Variants in PRKN observed in about 807,000 individuals in gnomAD.
The protein encoded by PRKN is parkin RBR E3 ubiquitin protein ligase, also known as E3 ubiquitin-protein ligase parkin.
In PRKN, 56 loss-of-function variants were observed where a neutral mutation model predicts 59.5. The ratio of observed to expected loss-of-function variants is 0.94; its 90% CI spans 0.76 to 1.18. The LOEUF is 1.18. PRKN is among the 50% of genes most tolerant of loss of function. PRKN has a pLI of 0.00. For missense variants in PRKN, 657 were observed against 596.4 expected (o/e 1.10, Z -1.06); for synonymous variants, 250 against 222.1 (o/e 1.13, Z -1.12).
At chr6:162,066,992 T>C (rs1582982491) in intron 4 of PRKN, among the ~76,000 whole-genome samples, 1 of 152,194 alleles carries the variant, frequency 6.6e-6, no homozygotes, top group Admixed American at 6.5e-5. Flanking sequence ...TGACTGGCCA[T>C]GTAAGTGATG....
chr6:161,940,673 G>A (rs1230424272), intron 6 of PRKN, among the ~76,000 whole-genome samples: 1 of 152,166 alleles, frequency 6.6e-6, no homozygotes, highest in Non-Finnish European at 1.5e-5. Context: ...CTTAGTTCAT[G>A]ACCATAAGTT....
At chr6:162,100,132 C>T (rs555406637) in intron 4 of PRKN, among the ~76,000 whole-genome samples, 138 of 152,276 alleles carry the variant, frequency 9.1e-4, no homozygotes, top group Non-Finnish European at 1.7e-3. Context: ...CCTATGGTAT[C>T]TTATTGTGTT....
chr6:162,038,628 G>A (rs1055998730), intron 5 of PRKN, among the ~76,000 whole-genome samples: 2 of 152,138 alleles, frequency 1.3e-5, no homozygotes, highest in Non-Finnish European at 2.9e-5. Context: ...TACATACTAA[G>A]CTTCGTCTCT....
chr6:161,555,713 C>T (rs1237857321), intron 8 of PRKN, among the ~76,000 whole-genome samples: 1 of 152,150 alleles, frequency 6.6e-6, no homozygotes, highest in Non-Finnish European at 1.5e-5. Context: ...CCCTTTAAAC[C>T]TTATTACAGA....
At chr6:161,619,981 CTTTTTTTTT>C (rs71004058) in intron 7 of PRKN, among the ~76,000 whole-genome samples, 11 of 63,122 alleles carry the variant, frequency 1.7e-4, no homozygotes, top group Admixed American at 1.5e-3. Context: ...ACACATTATT[CTTTTTTTTT>C]TTTTTTTTTT....
chr6:162,663,611 G>T (rs1357312676), intron 1 of PRKN, among the ~76,000 whole-genome samples: 1 of 152,132 alleles, frequency 6.6e-6, no homozygotes, highest in African/African-American at 2.4e-5. Context: ...CTGGTTCCTT[G>T]TAGACAGAAA....
intron 4 of PRKN, among the ~76,000 whole-genome samples, chr6:162,141,112 AGAGT>A (rs567978847): frequency 7.8e-4 from 119 of 152,250 alleles, no homozygotes; most frequent in African/African-American, 2.8e-3. Flanking sequence ...CCTGGGCGAC[AGAGT>A]GAGACCCTGT....
intron 6 of PRKN, among the ~76,000 whole-genome samples, chr6:161,887,558 T>A (rs1795200111): frequency 6.6e-6 from 1 of 152,224 alleles, no homozygotes; most frequent in Admixed American, 6.5e-5. Context: ...TTCAAGGTCG[T>A]CATGTATGAT....
At chr6:161,948,778 C>T (rs953230229) in intron 6 of PRKN, among the ~76,000 whole-genome samples, 3 of 152,200 alleles carry the variant, frequency 2.0e-5, no homozygotes, top group African/African-American at 7.2e-5. Context: ...GACCCAGACA[C>T]AGAGCCGTGT....
At position 161,502,979 on chromosome 6, in the gene PRKN, T is replaced by C. The variant is rs936660895; in HGVS notation, c.1083+45875A>G. 6.6e-6 allele frequency among the ~76,000 whole-genome samples: 1 copy of C among 152,170 alleles called. No individual in the cohort carries two copies. Among genetic ancestry groups the C allele is most frequent in the African/African-American group, 2.4e-5 (1 of 41,446 alleles). The stretch of plus-strand genomic sequence containing the variant: ...TTACTTCATGCATTTGTGGCAAGGA[T>C]TGAGTTAGATGATACATATCCAATG... On this transcript the variant is annotated intron_variant, in intron 9 of 11. Coordinates refer to ENST00000366898, the MANE Select transcript of PRKN (RefSeq NM_004562.3). The surrounding 1 kb of genome is among the most constrained non-coding windows in gnomAD (Gnocchi z 4.0).
intron 9 of PRKN, among the ~76,000 whole-genome samples, chr6:161,515,516 A>G (rs926783975): frequency 3.3e-5 from 5 of 152,222 alleles, no homozygotes; most frequent in Non-Finnish European, 7.3e-5. Flanking sequence ...CTGGATCTCA[A>G]CATTTAAAGC....
At chr6:161,731,634 A>T (rs1787716478) in intron 7 of PRKN, among the ~76,000 whole-genome samples, 1 of 152,202 alleles carries the variant, frequency 6.6e-6, no homozygotes, top group South Asian at 2.1e-4. Flanking sequence ...GATCCCCCAC[A>T]TTTCTGAAGA....
intron 2 of PRKN, among the ~76,000 whole-genome samples, chr6:162,266,976 A>G (rs1780170038): frequency 6.6e-6 from 1 of 152,148 alleles, no homozygotes; most frequent in South Asian, 2.1e-4. Flanking sequence ...CTGTGAACTA[A>G]AAATCGATAC....
chr6:162,003,697 C>G (rs957390753), intron 5 of PRKN, among the ~76,000 whole-genome samples: 2 of 152,220 alleles, frequency 1.3e-5, no homozygotes, highest in African/African-American at 2.4e-5. Flanking sequence ...TATGCATTGA[C>G]CTGTTAAAGA....
At chr6:162,046,488 G>T (rs1258828893) in intron 5 of PRKN, among the ~76,000 whole-genome samples, 1 of 152,214 alleles carries the variant, frequency 6.6e-6, no homozygotes, top group Admixed American at 6.5e-5. Flanking sequence ...CTGGAAAGAT[G>T]GCGTCATAGA....
At chr6:162,487,389 G>A (rs922478725) in intron 1 of PRKN, among the ~76,000 whole-genome samples, 3 of 152,166 alleles carry the variant, frequency 2.0e-5, no homozygotes, top group Non-Finnish European at 4.4e-5. Context: ...GGTTTTCTGA[G>A]GCTGTGTGTA....
chr6:162,485,948 A>C (rs552276727), intron 1 of PRKN, among the ~76,000 whole-genome samples: 30 of 152,338 alleles, frequency 2.0e-4, no homozygotes, highest in African/African-American at 7.0e-4. Flanking sequence ...TTTTACGTCA[A>C]ATGATTGTCA....
Position 161,538,994 on chromosome 6 carries a change from G to T in PRKN, c.1083+9860C>A, listed in dbSNP as rs1003352196. ...TTCGTGTGAAGAGTGAGGGCGTGCTGCTTCTTCATCATGCCATGAGGCTAA... is the reference window on the plus strand; with the variant it reads ...TTCGTGTGAAGAGTGAGGGCGTGCTTCTTCTTCATCATGCCATGAGGCTAA... On this transcript the variant is annotated intron_variant, in intron 9 of 11. Coordinates refer to ENST00000366898, the MANE Select transcript of PRKN (RefSeq NM_004562.3). The surrounding 1 kb of genome is among the most constrained non-coding windows in gnomAD (Gnocchi z 4.2). Among the ~76,000 whole-genome samples the T allele has an allele frequency of 6.6e-6, 1 of 152,160 alleles. No homozygotes were observed. Among genetic ancestry groups the T allele is most frequent in the African/African-American group, 2.4e-5 (1 of 41,438 alleles).
intron 1 of PRKN, among the ~76,000 whole-genome samples, chr6:162,508,967 G>A (rs73608435): frequency 0.018 from 2,779 of 152,242 alleles, 78 homozygotes; most frequent in African/African-American, 0.064. Context: ...AAGTGAGAAT[G>A]CTCAGATCTT....
Sources: allele counts gnomAD v4.1 joint callset (sites outside exome capture counted in the v4.1 genomes callset), GRCh38; gene constraint gnomAD v4.1.1; non-coding constraint Gnocchi (gnomAD v3.1); transcripts MANE v1.5; gene names NCBI Gene and HGNC (gene_info 2026-07-23, HGNC 2026-07-21).